VPS37A: variants seen among roughly 807,000 people sequenced by gnomAD.
VPS37A encodes the protein vacuolar protein sorting-associated protein 37A.
In VPS37A, 30 loss-of-function variants were observed where a neutral mutation model predicts 49.8. The observed-to-expected ratio is 0.60, with a 90% CI of 0.45 to 0.82. The LOEUF is 0.82. VPS37A is among the 40% of genes least tolerant of loss of function. The pLI is 0.00. For synonymous variants in VPS37A, 195 were observed against 160.6 expected (o/e 1.21, Z -1.62); for missense variants, 593 against 464.4 (o/e 1.28, Z -2.55).
At position 17,268,303 on chromosome 8, in the gene VPS37A, T is replaced by G. The variant is rs1365691009; in HGVS notation, c.246T>G (p.Val82=). Residue 82 remains valine, a synonymous_variant, in exon 3 of 12, where the codon GTT becomes GTG. Transcript: ENST00000324849. ...CTCAGGAAAAACCAGTGATCAGTGT[T>G]TATCCACCAATACGACATCACTTAA... ...QFPQEKPVIS[V]YPPIRHHLMD... 3 of 1,613,270 alleles carry G rather than the reference T, an allele frequency of 1.9e-6. No homozygotes were observed. The African/African-American group carries it at 4.0e-5, about 22-fold the overall frequency.
the VPS37A span, among the ~76,000 whole-genome samples, chr8:17,323,712 G>A: frequency 6.6e-6 from 1 of 152,086 alleles, no homozygotes; most frequent in Admixed American, 6.5e-5. Flanking sequence ...ACACTCCTAT[G>A]AACTTTGAGA....
At chr8:17,311,356 T>A in the VPS37A span, among the ~76,000 whole-genome samples, 4 of 152,182 alleles carry the variant, frequency 2.6e-5, no homozygotes, top group African/African-American at 9.7e-5. Flanking sequence ...TCTTGCTGAT[T>A]AAATTAATCT....
chr8:17,250,492 T>C (rs897030708), intron 1 of VPS37A, among the ~76,000 whole-genome samples: 17 of 152,206 alleles, frequency 1.1e-4, no homozygotes, highest in African/African-American at 3.6e-4. Context: ...TGTTACATGC[T>C]GTCCATCTCC....
At chr8:17,314,322 A>T in the VPS37A span, among the ~76,000 whole-genome samples, 5 of 152,196 alleles carry the variant, frequency 3.3e-5, no homozygotes, top group Non-Finnish European at 4.4e-5. Flanking sequence ...AAACACACAT[A>T]GGGAAAAGGG....
chr8:17,304,349 T>C (rs781247657), downstream of VPS37A: 12 of 1,599,174 alleles, frequency 7.5e-6, no homozygotes, highest in Admixed American at 6.7e-5. Flanking sequence ...GTTCATACCA[T>C]GGCTACAAAG....
intron 1 of VPS37A, among the ~76,000 whole-genome samples, chr8:17,249,734 C>A (rs975458007): frequency 6.6e-6 from 1 of 152,200 alleles, no homozygotes; most frequent in African/African-American, 2.4e-5. Context: ...TCTCATCAGT[C>A]ATAAGGGGCA....
the VPS37A span, among the ~76,000 whole-genome samples, chr8:17,310,000 T>C: frequency 6.6e-6 from 1 of 152,192 alleles, no homozygotes; most frequent in African/African-American, 2.4e-5. Context: ...TATTGTTTTA[T>C]ATTTTAAAAT....
rs1364547451 is a variant in VPS37A at position 17,297,473 on chromosome 8, T to C, written c.*2487T>C. ...GCTCTTAAAGAATAAAAATTTATTCTATGGTTTCTGTCTCTGATCATCACC... is the reference window on the plus strand; with the variant it reads ...GCTCTTAAAGAATAAAAATTTATTCCATGGTTTCTGTCTCTGATCATCACC... On this transcript the variant is annotated 3_prime_UTR_variant, in exon 12 of 12. Coordinates refer to ENST00000324849, the MANE Select transcript of VPS37A (RefSeq NM_152415.3). 1 of 152,080 alleles carries C rather than the reference T, an allele frequency of 6.6e-6. No homozygotes were observed. 9.4% of individuals were successfully genotyped at this position (152,080 alleles called of 1,614,324 possible).
chr8:17,267,105 G>C (rs1482592322), intron 2 of VPS37A, among the ~76,000 whole-genome samples: 3 of 152,124 alleles, frequency 2.0e-5, no homozygotes, highest in African/African-American at 7.2e-5. Flanking sequence ...GCAAATTACA[G>C]AAACACGGTT....
intron 11 of VPS37A, 71 bp downstream of exon 11, chr8:17,286,498 G>A (rs985029391): frequency 5.2e-5 from 71 of 1,359,692 alleles, no homozygotes; most frequent in Non-Finnish European, 6.8e-5. Flanking sequence ...TGTTGTTAAC[G>A]GTGCCTGTTC....
chr8:17,306,324 G>A (rs1484114710), downstream of VPS37A, among the ~76,000 whole-genome samples: 1 of 151,824 alleles, frequency 6.6e-6, no homozygotes, highest in Non-Finnish European at 1.5e-5. Flanking sequence ...GAAATGTCCA[G>A]ACAACTTTAA....
intron 11 of VPS37A, among the ~76,000 whole-genome samples, chr8:17,290,236 T>A (rs1816011505): frequency 6.6e-6 from 1 of 152,056 alleles, no homozygotes; most frequent in African/African-American, 2.4e-5. Flanking sequence ...CAGTACTGTG[T>A]TGAATAGGAG....
intron 11 of VPS37A, among the ~76,000 whole-genome samples, chr8:17,291,804 C>T (rs900398018): frequency 4.6e-5 from 7 of 152,086 alleles, no homozygotes; most frequent in African/African-American, 1.2e-4. Context: ...GTTTCTTAAT[C>T]CGGAATTCTA....
chr8:17,281,445 A>G (rs887983778), intron 9 of VPS37A, among the ~76,000 whole-genome samples: 2 of 152,044 alleles, frequency 1.3e-5, no homozygotes, highest in African/African-American at 2.4e-5. Context: ...AGAAGCTTTC[A>G]TAGTACTCAA....
At chr8:17,248,400 G>T (rs1160211278) in intron 1 of VPS37A, 9 of 454,364 alleles carry the variant, frequency 2.0e-5, no homozygotes, top group Non-Finnish European at 4.0e-5. Flanking sequence ...ACACCCCTCC[G>T]AGTAGCTGGG....
chr8:17,273,023 C>CTTTTT lies in VPS37A; in HGVS notation c.417-1689_417-1685dup, dbSNP rs1166192119. The stretch of plus-strand genomic sequence containing the variant: ...TGAATGGTAGCATATTTTGCCCTTC[C>CTTTTT]TTTTTTTTTTTTTTTTTTTTTTTTT... On this transcript the variant is annotated intron_variant, in intron 4 of 11. Coordinates refer to ENST00000324849, the MANE Select transcript of VPS37A (RefSeq NM_152415.3). 4.8e-3 allele frequency among the ~76,000 whole-genome samples: 208 copies of CTTTTT among 43,768 alleles called. 5 individuals carry two copies. Among genetic ancestry groups the CTTTTT allele is most frequent in the African/African-American group, 0.01 (101 of 9,834 alleles). 28.7% of individuals were successfully genotyped at this position (43,768 alleles called of 152,430 possible). A position where few individuals can be genotyped will look rare whatever the true frequency, so the allele number is the denominator to read the frequency against.
intron 4 of VPS37A, among the ~76,000 whole-genome samples, 185 bp from the exon 5 acceptor site, chr8:17,274,548 G>T (rs1814323637): frequency 6.7e-6 from 1 of 149,368 alleles, no homozygotes. Flanking sequence ...TTTCGGGGGG[G>T]TGGGGTCATA....
chr8:17,286,529 T>G, intron 11 of VPS37A, 102 bp downstream of exon 11: 1 of 965,696 alleles, frequency 1.0e-6, no homozygotes, highest in Non-Finnish European at 1.6e-6. Flanking sequence ...AGCATAATTC[T>G]GTCATTATAG....
At chr8:17,261,109 T>A (rs1297715608) in intron 1 of VPS37A, among the ~76,000 whole-genome samples, 1 of 152,208 alleles carries the variant, frequency 6.6e-6, no homozygotes, top group East Asian at 1.9e-4. Flanking sequence ...AATTCTTAGA[T>A]GTGGTCTTCT....
Sources: gnomAD v4.1 joint callset for allele counts (sites outside exome capture counted in the v4.1 genomes callset) on GRCh38, gnomAD v4.1.1 for gene constraint, MANE v1.5 for transcripts, NCBI Gene and HGNC (gene_info 2026-07-23, HGNC 2026-07-21) for gene names.